NTM: variants seen among roughly 807,000 people sequenced by gnomAD.
The protein encoded by NTM is IgLON family member 2.
In NTM, 13 loss-of-function variants were observed where a neutral mutation model predicts 42.1. The observed-to-expected ratio is 0.31, with a 90% CI of 0.20 to 0.49. The LOEUF (loss-of-function observed/expected upper bound fraction) is 0.49. NTM is among the 20% of genes least tolerant of loss of function. The pLI, the probability that NTM is intolerant of heterozygous loss-of-function variation, is 0.99. For missense variants in NTM, 373 were observed against 452.8 expected (o/e 0.82, Z 1.60); for synonymous variants, 187 against 179.2 (o/e 1.04, Z -0.35).
At chr11:131,836,677 T>C (rs2043540191) in intron 1 of NTM, among the ~76,000 whole-genome samples, 1 of 152,170 alleles carries the variant, frequency 6.6e-6, no homozygotes, top group Non-Finnish European at 1.5e-5. Context: ...AGTTACCCAA[T>C]AAGGGATGCT....
chr11:131,601,034 T>C (rs1342829492), intron 1 of NTM, among the ~76,000 whole-genome samples: 1 of 152,188 alleles, frequency 6.6e-6, no homozygotes, highest in Admixed American at 6.5e-5. Context: ...TCTGAATAGA[T>C]TCAGGTTTGG....
chr11:132,045,330 G>A (rs964313605), intron 2 of NTM, among the ~76,000 whole-genome samples: 1 of 152,146 alleles, frequency 6.6e-6, no homozygotes, highest in African/African-American at 2.4e-5. Flanking sequence ...GAAGGAAGAG[G>A]TCAGAGGAAT....
intron 4 of NTM, among the ~76,000 whole-genome samples, chr11:132,276,664 T>A (rs902622561): frequency 1.3e-5 from 2 of 152,166 alleles, no homozygotes; most frequent in Admixed American, 6.5e-5. Context: ...AAGTCTCAAA[T>A]GGGATTCCTT....
chr11:131,603,430 T>C (rs2060655935), intron 1 of NTM, among the ~76,000 whole-genome samples: 1 of 152,098 alleles, frequency 6.6e-6, no homozygotes, highest in Admixed American at 6.5e-5. Flanking sequence ...ACACTGTTGG[T>C]CCATGGACTA....
At chr11:131,669,323 C>T (rs1334397308) in intron 1 of NTM, among the ~76,000 whole-genome samples, 3 of 152,212 alleles carry the variant, frequency 2.0e-5, no homozygotes, top group Non-Finnish European at 4.4e-5. Flanking sequence ...GAAACCCTGG[C>T]TCGCCATGAT....
intron 2 of NTM, among the ~76,000 whole-genome samples, chr11:132,023,426 T>C (rs950219531): frequency 2.0e-5 from 3 of 152,190 alleles, no homozygotes; most frequent in Non-Finnish European, 4.4e-5. Flanking sequence ...TTGAGCCTTC[T>C]GGTCACAGCT....
intron 1 of NTM, among the ~76,000 whole-genome samples, chr11:131,417,735 C>T (rs1421626595): frequency 1.3e-5 from 2 of 152,162 alleles, no homozygotes; most frequent in African/African-American, 4.8e-5. Context: ...CATAACTCTC[C>T]AAAATCCATC....
rs146601749 is a variant in NTM at position 131,993,078 on chromosome 11, A to G, written c.167+81430A>G. ...TTATAAAAGTTCAGTAAGTTATTCT[A>G]ATGCCTAGATAGATTGGGAAACATT... On this transcript the variant is annotated intron_variant, in intron 2 of 8. Transcript: ENST00000683400. Among the ~76,000 whole-genome samples the G allele has an allele frequency of 4.1e-3, 627 of 152,300 alleles. 6 individuals carry two copies. Among genetic ancestry groups the G allele is most frequent in the African/African-American group, 0.014 (585 of 41,560 alleles).
chr11:131,436,741 G>A lies in NTM; in HGVS notation c.82+65853G>A, dbSNP rs142684891. Among the ~76,000 whole-genome samples, 627 of 152,170 alleles carry A rather than the reference G, an allele frequency of 4.1e-3. 2 individuals are homozygous for A. The highest frequency in any genetic ancestry group is 7.5e-3 in the Non-Finnish European group (509 of 68,016). ...GATATTTTCAAAAAACCAGCTCCTAGATTCATTGATTTTTTTGAAGGGGTT... is the reference window on the plus strand; with the variant it reads ...GATATTTTCAAAAAACCAGCTCCTAAATTCATTGATTTTTTTGAAGGGGTT... On this transcript the variant is annotated intron_variant, in intron 1 of 8. Transcript: ENST00000683400.
intron 1 of NTM, among the ~76,000 whole-genome samples, chr11:131,663,801 C>A (rs1164144684): frequency 6.6e-6 from 1 of 152,148 alleles, no homozygotes; most frequent in African/African-American, 2.4e-5. Context: ...TACACACACA[C>A]ACACAGAGAT....
intron 1 of NTM, among the ~76,000 whole-genome samples, chr11:131,603,923 A>T (rs2060700573): frequency 8.6e-6 from 1 of 115,982 alleles, no homozygotes; most frequent in Admixed American, 8.6e-5. Context: ...CATTTTGTTT[A>T]TCCATTCATC....
intron 2 of NTM, among the ~76,000 whole-genome samples, chr11:132,109,698 G>A (rs1026447124): frequency 4.6e-5 from 7 of 151,920 alleles, no homozygotes; most frequent in Non-Finnish European, 8.8e-5. Context: ...CTCTCCTCTC[G>A]GCTCCGGGAC....
intron 2 of NTM, among the ~76,000 whole-genome samples, chr11:131,963,914 T>C (rs1482877959): frequency 1.3e-5 from 2 of 152,180 alleles, no homozygotes; most frequent in Admixed American, 1.3e-4. Context: ...AGAGTCAGAA[T>C]CCAAGCCCAG....
At chr11:131,476,589 G>A (rs1952963508) in intron 1 of NTM, among the ~76,000 whole-genome samples, 2 of 152,112 alleles carry the variant, frequency 1.3e-5, no homozygotes, top group Non-Finnish European at 2.9e-5. Context: ...TGATGAGAGG[G>A]GTTTATGTGT....
chr11:132,223,698 G>A (rs1039784542), intron 4 of NTM, among the ~76,000 whole-genome samples: 2 of 152,206 alleles, frequency 1.3e-5, no homozygotes, highest in African/African-American at 4.8e-5. Context: ...TAAAAAATAA[G>A]TGAATAAAAT....
intron 1 of NTM, among the ~76,000 whole-genome samples, chr11:131,432,206 C>A (rs1948710560): frequency 6.6e-6 from 1 of 152,136 alleles, no homozygotes; most frequent in South Asian, 2.1e-4. Context: ...GAAGATGGTT[C>A]TTGAGAAGGG....
chr11:131,628,737 G>A (rs1271050242), intron 1 of NTM, among the ~76,000 whole-genome samples: 1 of 152,220 alleles, frequency 6.6e-6, no homozygotes, highest in Non-Finnish European at 1.5e-5. Context: ...GTTGAAAACT[G>A]GAAAGGACCT....
chr11:132,315,138 A>G (rs985633312), intron 7 of NTM: 8 of 913,886 alleles, frequency 8.8e-6, no homozygotes, highest in Non-Finnish European at 1.0e-5. Context: ...ATAATTGGGT[A>G]AAATAGTCAA....
At chr11:132,120,948 A>C (rs978882158) in intron 2 of NTM, among the ~76,000 whole-genome samples, 1 of 152,202 alleles carries the variant, frequency 6.6e-6, no homozygotes, top group Admixed American at 6.5e-5. Context: ...GAGAGAGAGC[A>C]CGTACACTCG....
Sources: gnomAD v4.1 joint callset for allele counts (sites outside exome capture counted in the v4.1 genomes callset) on GRCh38, gnomAD v4.1.1 for gene constraint, MANE v1.5 for transcripts, NCBI Gene and HGNC (gene_info 2026-07-23, HGNC 2026-07-21) for gene names.